The following C12orf42 variants were observed in gnomAD, a reference collection of about 807,000 sequenced individuals.
C12orf42 encodes the protein chromosome 12 open reading frame 42.
C12orf42 carries 25 observed loss-of-function variants against 21.6 expected under a neutral mutation model. That is an observed-to-expected ratio of 1.16 (90% CI 0.84 to 1.62). The LOEUF (loss-of-function observed/expected upper bound fraction) is 1.62. Among genes scored for constraint, C12orf42 ranks in the 40% most tolerant of loss-of-function variants. The probability of loss-of-function intolerance (pLI) is 0.00; values close to 1 mark genes in which losing one functional copy is unlikely to be tolerated. For synonymous variants in C12orf42, 174 were observed against 175.0 expected (o/e 0.99, Z 0.05); for missense variants, 483 against 459.3 (o/e 1.05, Z -0.47).
chr12:103,225,473 A>G, the C12orf42 span, among the ~76,000 whole-genome samples: 5 of 152,060 alleles, frequency 3.3e-5, no homozygotes, highest in African/African-American at 9.7e-5. Flanking sequence ...ATGGTAAGGG[A>G]TGCATGATCG....
the C12orf42 span, among the ~76,000 whole-genome samples, chr12:103,163,924 C>A: frequency 3.9e-5 from 6 of 152,282 alleles, no homozygotes; most frequent in East Asian, 5.8e-4. Context: ...GAAAAAGGCT[C>A]AGAGAGGTCA....
intron 3 of C12orf42, among the ~76,000 whole-genome samples, chr12:103,372,828 G>T (rs1388741676): frequency 6.6e-6 from 1 of 152,128 alleles, no homozygotes; most frequent in African/African-American, 2.4e-5. Context: ...CCTAATACAT[G>T]AGTCATGTTG....
At chr12:103,116,709 C>T in the C12orf42 span, among the ~76,000 whole-genome samples, 9 of 152,152 alleles carry the variant, frequency 5.9e-5, no homozygotes, top group Non-Finnish European at 8.8e-5. Flanking sequence ...CTCAGTCTCT[C>T]GTCCTCACTG....
chr12:103,462,400 T>A (rs1952798601), intron 2 of C12orf42, among the ~76,000 whole-genome samples: 1 of 152,066 alleles, frequency 6.6e-6, no homozygotes, highest in Non-Finnish European at 1.5e-5. Flanking sequence ...TGTGAGCCAC[T>A]GCACCCAGCC....
chr12:103,413,446 T>C (rs548125148), intron 2 of C12orf42, among the ~76,000 whole-genome samples: 119 of 151,510 alleles, frequency 7.9e-4, no homozygotes, highest in African/African-American at 2.8e-3. Flanking sequence ...TCTTTTTTCA[T>C]TCCATATGAA....
intron 4 of C12orf42, among the ~76,000 whole-genome samples, chr12:103,321,921 G>C (rs1190658069): frequency 2.6e-5 from 4 of 151,258 alleles, no homozygotes; most frequent in East Asian, 1.9e-4. Flanking sequence ...TGCTAGATGA[G>C]GAGTTAGTGG....
chr12:103,182,629 C>A, the C12orf42 span, among the ~76,000 whole-genome samples: 1 of 152,206 alleles, frequency 6.6e-6, no homozygotes, highest in African/African-American at 2.4e-5. Flanking sequence ...ACCCTACCCT[C>A]AACTCTCTCC....
At chr12:103,102,230 AC>A in the C12orf42 span, among the ~76,000 whole-genome samples, 1 of 152,152 alleles carries the variant, frequency 6.6e-6, no homozygotes, top group Non-Finnish European at 1.5e-5. Flanking sequence ...TCCTAGTAAA[AC>A]TTTTCCTCAC....
chr12:103,506,862 AT>A, the C12orf42 span, among the ~76,000 whole-genome samples: 2 of 86,396 alleles, frequency 2.3e-5, no homozygotes, highest in South Asian at 4.1e-4. Context: ...TATATATTAT[AT>A]ATATATATTT....
intron 4 of C12orf42, among the ~76,000 whole-genome samples, chr12:103,358,973 T>C (rs1048007572): frequency 6.6e-6 from 1 of 152,092 alleles, no homozygotes; most frequent in African/African-American, 2.4e-5. Context: ...AGAAAGTTCT[T>C]CATAGTCTGG....
chr12:103,116,539 T>A, the C12orf42 span, among the ~76,000 whole-genome samples: 2 of 152,066 alleles, frequency 1.3e-5, no homozygotes, highest in African/African-American at 4.8e-5. Flanking sequence ...GTTTCCCAAA[T>A]GTCTAATTCC....
At chr12:103,237,577 C>G (rs1883315273), downstream of C12orf42, 1 of 152,212 alleles carries the variant, frequency 6.6e-6, no homozygotes, top group Admixed American at 6.5e-5. Flanking sequence ...CAAACCAACT[C>G]AAACTCTGTG....
chr12:103,479,495 G>A (rs1954307835), intron 1 of C12orf42, among the ~76,000 whole-genome samples: 1 of 152,058 alleles, frequency 6.6e-6, no homozygotes, highest in South Asian at 2.1e-4. Context: ...CTTCACAGAA[G>A]TTGGATATGC....
At chr12:103,201,460 T>C in the C12orf42 span, among the ~76,000 whole-genome samples, 1 of 152,054 alleles carries the variant, frequency 6.6e-6, no homozygotes, top group Admixed American at 6.6e-5. Context: ...AATGGTTCAT[T>C]GTTGTTGCAT....
chr12:103,387,332 T>C (rs2046697420), intron 3 of C12orf42, among the ~76,000 whole-genome samples: 1 of 152,220 alleles, frequency 6.6e-6, no homozygotes, highest in Non-Finnish European at 1.5e-5. Flanking sequence ...TAAATACTAT[T>C]ATTAGCTTCC....
chr12:103,206,453 A>G, the C12orf42 span, among the ~76,000 whole-genome samples: 1,719 of 152,148 alleles, frequency 0.011, 23 homozygotes, highest in South Asian at 0.03. Flanking sequence ...AATGTTCTAT[A>G]TTTTGAGTGG....
intron 3 of C12orf42, chr12:103,397,885 A>G (rs1444178588): frequency 6.6e-6 from 1 of 152,196 alleles, no homozygotes; most frequent in Non-Finnish European, 1.5e-5. Context: ...ACAACAATGT[A>G]TTATATATTT....
At chr12:103,513,833 G>A in the C12orf42 span, among the ~76,000 whole-genome samples, 1 of 151,944 alleles carries the variant, frequency 6.6e-6, no homozygotes, top group East Asian at 1.9e-4. Flanking sequence ...TCTGGTGCAT[G>A]CATTTCAGTG....
intron 4 of C12orf42, among the ~76,000 whole-genome samples, chr12:103,291,078 G>C (rs1004778023): frequency 3.3e-5 from 5 of 152,160 alleles, no homozygotes; most frequent in African/African-American, 1.2e-4. Context: ...ATTGGTAAAT[G>C]GTTAGAGGTG....
Sources: gnomAD v4.1 joint callset for allele counts (sites outside exome capture counted in the v4.1 genomes callset) on GRCh38, gnomAD v4.1.1 for gene constraint, MANE v1.5 for transcripts, NCBI Gene and HGNC (gene_info 2026-07-23, HGNC 2026-07-21) for gene names.